EXOC4: variants seen among roughly 807,000 people sequenced by gnomAD.
EXOC4 encodes the protein SEC8-like 1.
A neutral mutation model predicts 107.2 loss-of-function variants in EXOC4; 71 were observed. The ratio of observed to expected loss-of-function variants is 0.66; its 90% CI spans 0.55 to 0.81. The LOEUF (loss-of-function observed/expected upper bound fraction) is 0.81, where lower values mean the gene tolerates loss of function less well. EXOC4 is among the 30% of genes least tolerant of loss of function. The pLI, the probability that EXOC4 is intolerant of heterozygous loss-of-function variation, is 0.00. For missense variants in EXOC4, 1,108 were observed against 1,189.6 expected (o/e 0.93, Z 1.01); for synonymous variants, 456 against 441.2 (o/e 1.03, Z -0.42).
intron 10 of EXOC4, among the ~76,000 whole-genome samples, chr7:133,634,650 C>T (rs1269671632): frequency 2.6e-5 from 4 of 151,988 alleles, no homozygotes; most frequent in South Asian, 2.1e-4. Context: ...CCACCATGCC[C>T]GGCTAATATG....
intron 10 of EXOC4, among the ~76,000 whole-genome samples, chr7:133,747,500 C>T (rs574585783): frequency 5.9e-5 from 9 of 152,098 alleles, no homozygotes; most frequent in East Asian, 3.9e-4. Flanking sequence ...GTGGTTAGAA[C>T]GCCAAGAAGA....
chr7:133,459,917 G>A (rs570825203), intron 7 of EXOC4, among the ~76,000 whole-genome samples: 25 of 152,142 alleles, frequency 1.6e-4, no homozygotes, highest in African/African-American at 5.8e-4. Context: ...AGTATATATT[G>A]CTTTTAAATA....
chr7:133,694,419 G>A (rs1217421172), intron 10 of EXOC4, among the ~76,000 whole-genome samples: 6 of 152,122 alleles, frequency 3.9e-5, no homozygotes, highest in Admixed American at 1.3e-4. Context: ...CTCAGAAGAT[G>A]AGAGAATGTG....
At chr7:133,500,902 C>G (rs1444647715) in intron 9 of EXOC4, among the ~76,000 whole-genome samples, 1 of 152,162 alleles carries the variant, frequency 6.6e-6, no homozygotes, top group Non-Finnish European at 1.5e-5. Flanking sequence ...AAGTTAGAAT[C>G]AACCTCAAAT....
At chr7:133,629,530 T>TTTTG (rs10699272) in intron 9 of EXOC4, among the ~76,000 whole-genome samples, 10,889 of 149,724 alleles carry the variant, frequency 0.073, 484 homozygotes, top group African/African-American at 0.11. Flanking sequence ...TTTTGTTTTG[T>TTTTG]TTTGTTTGTT....
Position 133,486,262 on chromosome 7 carries a change from C to T in EXOC4, c.1417+6124C>T, listed in dbSNP as rs1369461745. Among the ~76,000 whole-genome samples the T allele has an allele frequency of 3.9e-5, 6 of 151,958 alleles. No homozygotes were observed. The South Asian group carries it at 6.2e-4, about 16-fold the overall frequency. ...AATACTTGTATGTAATTAATCTCTT[C>T]GGGGGTGTCTTGCCTTAAGAAAAGA... is the stretch of plus-strand genomic sequence containing the variant. On this transcript the variant is annotated intron_variant, in intron 9 of 17. Transcript: ENST00000253861.
intron 10 of EXOC4, among the ~76,000 whole-genome samples, chr7:133,766,627 A>C (rs1796143328): frequency 6.6e-6 from 1 of 151,986 alleles, no homozygotes; most frequent in Non-Finnish European, 1.5e-5. Flanking sequence ...CTGCTGAAGG[A>C]AACATTTTCA....
intron 5 of EXOC4, among the ~76,000 whole-genome samples, chr7:133,331,667 G>A (rs191126832): frequency 7.9e-5 from 12 of 151,862 alleles, no homozygotes; most frequent in Non-Finnish European, 1.0e-4. Flanking sequence ...GGGTTTCACC[G>A]TGTTAGCCAG....
chr7:133,391,910 A>T (rs150318419), intron 7 of EXOC4, among the ~76,000 whole-genome samples: 1 of 152,244 alleles, frequency 6.6e-6, no homozygotes, highest in Admixed American at 6.5e-5. Context: ...TCAAATGCAA[A>T]TATTAAACCT....
At chr7:133,528,645 G>A (rs561773108) in intron 9 of EXOC4, among the ~76,000 whole-genome samples, 3 of 152,072 alleles carry the variant, frequency 2.0e-5, no homozygotes, top group South Asian at 4.1e-4. Context: ...AGTGCTCAGA[G>A]TGAGAGAATA....
intron 17 of EXOC4, among the ~76,000 whole-genome samples, chr7:134,008,491 T>G (rs190393681): frequency 2.0e-5 from 3 of 152,310 alleles, no homozygotes; most frequent in African/African-American, 7.2e-5. Flanking sequence ...CCTTTTTTTC[T>G]CTCATTGTGA....
At chr7:133,713,994 CAT>C (rs1292736245) in intron 10 of EXOC4, among the ~76,000 whole-genome samples, 13 of 152,122 alleles carry the variant, frequency 8.5e-5, no homozygotes, top group Non-Finnish European at 7.4e-5. Flanking sequence ...GAAGCTGAGA[CAT>C]AGAAATATGG....
At chr7:133,730,756 A>T (rs1795309515) in intron 10 of EXOC4, among the ~76,000 whole-genome samples, 1 of 152,164 alleles carries the variant, frequency 6.6e-6, no homozygotes, top group Non-Finnish European at 1.5e-5. Context: ...ACCAACATTG[A>T]ATATCAAACT....
chr7:133,326,780 C>T (rs556161610), intron 5 of EXOC4, among the ~76,000 whole-genome samples: 46 of 152,328 alleles, frequency 3.0e-4, no homozygotes, highest in Admixed American at 1.2e-3. Flanking sequence ...TGCTGCCTTT[C>T]GTTCGGCTAT....
chr7:133,844,277 G>A (rs1798078187), intron 11 of EXOC4, among the ~76,000 whole-genome samples: 1 of 147,164 alleles, frequency 6.8e-6, no homozygotes, highest in Non-Finnish European at 1.5e-5. Flanking sequence ...GTCAATTTCT[G>A]TCAATTGCCT....
intron 10 of EXOC4, among the ~76,000 whole-genome samples, chr7:133,792,386 C>G (rs1300369236): frequency 1.3e-5 from 2 of 151,990 alleles, no homozygotes; most frequent in East Asian, 3.9e-4. Context: ...GACCTCGTCT[C>G]TACCAAAAAT....
At chr7:133,797,956 A>G (rs1381284860) in intron 10 of EXOC4, among the ~76,000 whole-genome samples, 4 of 152,312 alleles carry the variant, frequency 2.6e-5, no homozygotes, top group African/African-American at 9.6e-5. Flanking sequence ...TGCTGTAAAG[A>G]AAAAAAGAGG....
At chr7:133,754,772 G>T (rs1220812262) in intron 10 of EXOC4, among the ~76,000 whole-genome samples, 1 of 152,058 alleles carries the variant, frequency 6.6e-6, no homozygotes, top group Non-Finnish European at 1.5e-5. Context: ...TTTTCTTTCT[G>T]TCTTAGAATT....
At chr7:133,868,031 A>T (rs1424752130) in intron 11 of EXOC4, among the ~76,000 whole-genome samples, 3 of 152,256 alleles carry the variant, frequency 2.0e-5, no homozygotes, top group Admixed American at 6.5e-5. Context: ...TTTCTTCTGT[A>T]AATAAATTAT....
Sources: allele counts gnomAD v4.1 joint callset (sites outside exome capture counted in the v4.1 genomes callset), GRCh38; gene constraint gnomAD v4.1.1; transcripts MANE v1.5; gene names NCBI Gene and HGNC (gene_info 2026-07-23, HGNC 2026-07-21).